Variants in PRCC observed in about 807,000 individuals in gnomAD.
PRCC encodes the protein proline rich mitotic checkpoint control factor, also known as proline-rich protein PRCC.
In PRCC, 10 loss-of-function variants were observed where a neutral mutation model predicts 44.0. That is an observed-to-expected ratio of 0.23 (90% CI 0.14 to 0.39). PRCC has a LOEUF of 0.39. PRCC is among the 10% of genes least tolerant of loss of function. The probability of loss-of-function intolerance (pLI) is 1.00; values close to 1 mark genes in which losing one functional copy is unlikely to be tolerated. For missense variants in PRCC, 573 were observed against 624.7 expected, an observed-to-expected ratio of 0.92 and a Z score of 0.88; for synonymous variants, 278 against 259.5, an observed-to-expected ratio of 1.07 and a Z score of -0.69.
At chr1:156,778,547 T>C (rs1306110237) in intron 1 of PRCC, among the ~76,000 whole-genome samples, 1 of 151,804 alleles carries the variant, frequency 6.6e-6, no homozygotes, top group Non-Finnish European at 1.5e-5. Flanking sequence ...GGTAAACACC[T>C]AGAGAAGTGG....
chr1:156,791,341 G>A (rs969615864), intron 3 of PRCC: 3 of 494,446 alleles, frequency 6.1e-6, no homozygotes, highest in Non-Finnish European at 7.5e-6. Flanking sequence ...TTATGAGCAG[G>A]AGGAGCAGGG....
At chr1:156,781,285 A>C (rs12134991) in intron 1 of PRCC, among the ~76,000 whole-genome samples, 29,760 of 152,144 alleles carry the variant, frequency 0.2, 3,434 homozygotes, top group Non-Finnish European at 0.26. Flanking sequence ...ATTGAAAGAT[A>C]CTTGGAAGAG....
intron 2 of PRCC, among the ~76,000 whole-genome samples, chr1:156,784,173 T>A (rs1157962604): frequency 6.6e-6 from 1 of 152,166 alleles, no homozygotes; most frequent in Non-Finnish European, 1.5e-5. Context: ...GGTCTCGATC[T>A]CCTGACCTCG....
intron 1 of PRCC, among the ~76,000 whole-genome samples, chr1:156,773,122 G>T (rs138352174): frequency 1.3e-5 from 2 of 152,162 alleles, no homozygotes; most frequent in Non-Finnish European, 2.9e-5. Flanking sequence ...TAGCAAATGG[G>T]GATAACAGTA....
chr1:156,785,954 G>A (rs1261796994), intron 2 of PRCC, among the ~76,000 whole-genome samples: 1 of 151,952 alleles, frequency 6.6e-6, no homozygotes, highest in African/African-American at 2.4e-5. Context: ...TGAGATTACA[G>A]GCACCCACCA....
chr1:156,792,239 T>C (rs1479626382), intron 4 of PRCC, among the ~76,000 whole-genome samples: 1 of 151,870 alleles, frequency 6.6e-6, no homozygotes, highest in African/African-American at 2.4e-5. Flanking sequence ...ATCCCTAGGC[T>C]GTGGCCTTTA....
At chr1:156,773,430 G>A (rs971482301) in intron 1 of PRCC, among the ~76,000 whole-genome samples, 27 of 151,094 alleles carry the variant, frequency 1.8e-4, no homozygotes, top group Non-Finnish European at 3.6e-4. Flanking sequence ...AGAGGACAGT[G>A]GTGGCCATTG....
chr1:156,772,310 A>T (rs896869494), intron 1 of PRCC, among the ~76,000 whole-genome samples: 1 of 152,188 alleles, frequency 6.6e-6, no homozygotes. Context: ...CTGGAGTGAG[A>T]ATTTGGTTGA....
chr1:156,768,007 C>A lies in PRCC; in HGVS notation c.236C>A (p.Pro79His), dbSNP rs1226030528. The A allele has an allele frequency of 1.9e-6, 3 of 1,569,756 alleles. No individual in the cohort carries two copies. The highest frequency in any genetic ancestry group is 2.6e-6 in the Non-Finnish European group (3 of 1,156,454). ...PPPTGDPRLQ[P>H]PPPLPFGLGG... ...CCCACCGGAGACCCCAGGCTTCAGC[C>A]TCCTCCCCCCTTGCCCTTCGGCCTG... is the stretch of plus-strand genomic sequence containing the variant. Residue 79 changes from proline to histidine, a missense_variant, in exon 1 of 7, where the codon CCT becomes CAT. Physicochemically the swap from Pro to His is moderately conservative, Grantham distance 77. Around this residue, in one of 4 missense-constraint regions of PRCC, gnomAD observed 245 missense variants for 188.5 expected, o/e 1.30. Transcript: ENST00000271526.
In PRCC at chr1:156,787,018, G is replaced by A. The variant is rs1288113302; in HGVS notation, c.927G>A (p.Glu309=). 2 of 1,614,232 alleles carry A rather than the reference G, an allele frequency of 1.2e-6. No individual in the cohort carries two copies. Among genetic ancestry groups the A allele is most frequent in the South Asian group, 1.1e-5 (1 of 91,084 alleles). The part of the protein sequence containing the change: ...PEELPPGTEP[E]PAFQDDAANA... ...AGCTGCCTCCAGGCACGGAACCAGA[G>A]CCGGCTTTCCAGGACGATGCAGCCA... Residue 309 remains glutamate, a synonymous_variant, in exon 3 of 7, where the codon GAG becomes GAA. Coordinates refer to ENST00000271526, the MANE Select transcript of PRCC (RefSeq NM_005973.5).
Position 156,800,603 on chromosome 1 carries a change from T to C in PRCC, c.*143T>C. 1.3e-6 allele frequency: 1 copy of C among 744,612 alleles called. No homozygotes were observed. The highest frequency in any genetic ancestry group is 2.7e-5 in the East Asian group (1 of 37,664). 46.1% of individuals were successfully genotyped at this position (744,612 alleles called of 1,614,324 possible). A position where few individuals can be genotyped will look rare whatever the true frequency, so the allele number is the denominator to read the frequency against. On this transcript the variant is annotated 3_prime_UTR_variant, in exon 7 of 7. Transcript: ENST00000271526. The stretch of plus-strand genomic sequence containing the variant: ...CCTCGCCTCTGCGAGAATGAACATA[T>C]TTGATAGATTTTTCTTAACAAGTTA...
chr1:156,793,072 G>A (rs1462208155), intron 4 of PRCC, among the ~76,000 whole-genome samples: 1 of 152,162 alleles, frequency 6.6e-6, no homozygotes, highest in Non-Finnish European at 1.5e-5. Context: ...GAAATAGGGG[G>A]TGCTACCTCA....
intron 5 of PRCC, among the ~76,000 whole-genome samples, chr1:156,795,330 C>T (rs1571595873): frequency 1.9e-5 from 2 of 106,292 alleles, no homozygotes; most frequent in African/African-American, 7.5e-5. Flanking sequence ...CTCTGTTGCC[C>T]AGGCTGGCAT....
intron 2 of PRCC, among the ~76,000 whole-genome samples, chr1:156,784,257 T>C (rs1185380431): frequency 6.6e-6 from 1 of 152,138 alleles, no homozygotes; most frequent in African/African-American, 2.4e-5. Context: ...CTGGTGTTTG[T>C]ATTTATAGTA....
chr1:156,772,813 G>T (rs1272362831), intron 1 of PRCC, among the ~76,000 whole-genome samples: 1 of 152,192 alleles, frequency 6.6e-6, no homozygotes, highest in Non-Finnish European at 1.5e-5. Flanking sequence ...TTATCTGTGT[G>T]GGGCACCTGC....
At chr1:156,793,954 CTTTTTTTTT>C (rs147637460) in intron 4 of PRCC, among the ~76,000 whole-genome samples, 1 of 101,436 alleles carries the variant, frequency 9.9e-6, no homozygotes, top group Non-Finnish European at 1.9e-5. Flanking sequence ...TTCTTTCTTT[CTTTTTTTTT>C]TTTTTTTTTT....
chr1:156,768,591 C>T (rs781587731), intron 1 of PRCC, among the ~76,000 whole-genome samples: 7 of 152,146 alleles, frequency 4.6e-5, no homozygotes, highest in Admixed American at 2.6e-4. Flanking sequence ...AAATCTGGCA[C>T]CTGAAGAATG....
chr1:156,797,387 T>A, intron 6 of PRCC, 46 bp downstream of exon 6: 6 of 1,609,344 alleles, frequency 3.7e-6, no homozygotes, highest in Non-Finnish European at 5.1e-6. Context: ...TCTCTGTAAA[T>A]CTGGGAATTT....
chr1:156,787,111 C>G lies in PRCC; in HGVS notation c.1020C>G (p.Asp340Glu). ...CCCCTTGGATGCCTAAGCCTGGGGACGACTACAGCTACAATCAGTTTTCCA... is the reference window on the plus strand; with the variant it reads ...CCCCTTGGATGCCTAAGCCTGGGGAGGACTACAGCTACAATCAGTTTTCCA... ...SGAPWMPKPG[D>E]DYSYNQFSTY... Residue 340 changes from aspartate to glutamate, a missense_variant, in exon 3 of 7, where the codon GAC becomes GAG. Asp to Glu is a conservative substitution (Grantham distance 45, BLOSUM62 2). Transcript: ENST00000271526. The G allele has an allele frequency of 6.2e-7, 1 of 1,613,944 alleles. No individual in the cohort carries two copies. Among genetic ancestry groups the G allele is most frequent in the South Asian group, 1.1e-5 (1 of 91,070 alleles).
Sources: gnomAD v4.1 joint callset for allele counts (sites outside exome capture counted in the v4.1 genomes callset) on GRCh38, gnomAD v4.1.1 for gene constraint, gnomAD v4.1.1 regional missense constraint, MANE v1.5 for transcripts, NCBI Gene and HGNC (gene_info 2026-07-23, HGNC 2026-07-21) for gene names.